The following ZNF627 variants were observed in gnomAD, a reference collection of about 807,000 sequenced individuals.
ZNF627 encodes zinc finger protein 627.
In ZNF627, 12 loss-of-function variants were observed where a neutral mutation model predicts 10.6. The observed-to-expected ratio is 1.13, with a 90% CI of 0.73 to 1.84. ZNF627 has a LOEUF of 1.84. Ranked by LOEUF, ZNF627 falls within the 40% of genes most tolerant of loss-of-function variation. ZNF627 has a pLI of 0.00. For missense variants in ZNF627, 504 were observed against 568.4 expected (o/e 0.89, Z 1.15); for synonymous variants, 176 against 187.1 (o/e 0.94, Z 0.48).
intron 1 of ZNF627, among the ~76,000 whole-genome samples, 167 bp downstream of exon 1, chr19:11,597,797 G>A (rs1440516900): frequency 1.3e-5 from 2 of 152,206 alleles, no homozygotes; most frequent in Non-Finnish European, 2.9e-5. Context: ...GACCCCGGTC[G>A]TCCTGTCCCG....
intron 1 of ZNF627, among the ~76,000 whole-genome samples, chr19:11,610,343 C>G (rs958449635): frequency 6.6e-6 from 1 of 152,106 alleles, no homozygotes; most frequent in African/African-American, 2.4e-5. Flanking sequence ...GATGGTCTAT[C>G]ATATGTCTCA....
intron 1 of ZNF627, among the ~76,000 whole-genome samples, chr19:11,612,302 C>T (rs1254547207): frequency 6.1e-5 from 9 of 147,786 alleles, no homozygotes; most frequent in East Asian, 2.0e-4. Context: ...TTGTATTTTT[C>T]GTAGAGATGG....
At chr19:11,608,795 G>C (rs780182777) in intron 1 of ZNF627, among the ~76,000 whole-genome samples, 18 of 152,114 alleles carry the variant, frequency 1.2e-4, no homozygotes, top group Non-Finnish European at 1.9e-4. Context: ...GGGATTACAG[G>C]TGTGTTCCAG....
intron 1 of ZNF627, among the ~76,000 whole-genome samples, chr19:11,603,263 G>A (rs959216526): frequency 3.3e-5 from 5 of 149,382 alleles, no homozygotes; most frequent in Admixed American, 1.3e-4. Flanking sequence ...TATTTTGTAC[G>A]ACATCTTGGC....
At chr19:11,605,089 T>C (rs958962696) in intron 1 of ZNF627, among the ~76,000 whole-genome samples, 1 of 143,080 alleles carries the variant, frequency 7.0e-6, no homozygotes, top group Non-Finnish European at 1.5e-5. Context: ...TCTTTTTTTT[T>C]TTTTTTTTTT....
chr19:11,601,839 C>G (rs1456107181), intron 1 of ZNF627, among the ~76,000 whole-genome samples: 3 of 151,574 alleles, frequency 2.0e-5, no homozygotes, highest in Non-Finnish European at 4.4e-5. Context: ...AACCCCATCT[C>G]TACTAAAAAT....
At chr19:11,608,378 C>G (rs1188173202) in intron 1 of ZNF627, among the ~76,000 whole-genome samples, 1 of 152,130 alleles carries the variant, frequency 6.6e-6, no homozygotes, top group African/African-American at 2.4e-5. Flanking sequence ...GTCAACTTCC[C>G]CTCTCCAGTT....
intron 1 of ZNF627, 41 bp from the exon 2 acceptor site, chr19:11,614,486 C>CT: frequency 6.2e-7 from 1 of 1,612,554 alleles, no homozygotes; most frequent in Non-Finnish European, 8.5e-7. Flanking sequence ...CCAGTGCTGT[C>CT]TGTCTCAACC....
chr19:11,598,962 A>T (rs1051964348), intron 1 of ZNF627, among the ~76,000 whole-genome samples: 4 of 152,138 alleles, frequency 2.6e-5, no homozygotes, highest in Non-Finnish European at 4.4e-5. Context: ...CGGGAGGATC[A>T]CCTGAGGCCA....
intron 1 of ZNF627, among the ~76,000 whole-genome samples, chr19:11,609,521 A>ATG (rs1973735484): frequency 9.7e-6 from 1 of 103,464 alleles, no homozygotes; most frequent in Non-Finnish European, 2.0e-5. Flanking sequence ...ATATATATGT[A>ATG]TTTTTTCCCC....
At chr19:11,599,670 C>A (rs1973551218) in intron 1 of ZNF627, among the ~76,000 whole-genome samples, 1 of 152,120 alleles carries the variant, frequency 6.6e-6, no homozygotes, top group African/African-American at 2.4e-5. Context: ...CTTTGGGAAG[C>A]TGAGGTGGGC....
intron 3 of ZNF627, among the ~76,000 whole-genome samples, 200 bp from the exon 4 acceptor site, chr19:11,616,495 C>T (rs1022079962): frequency 3.1e-4 from 47 of 152,096 alleles, no homozygotes; most frequent in African/African-American, 8.7e-4. Context: ...TGGTGGCTCA[C>T]GCCTGTAATC....
intron 1 of ZNF627, among the ~76,000 whole-genome samples, chr19:11,600,430 A>G (rs1973564884): frequency 6.6e-6 from 1 of 151,740 alleles, no homozygotes. Flanking sequence ...ACAGAGCAAG[A>G]CTCCATCTCA....
intron 3 of ZNF627, 27 bp downstream of exon 3, chr19:11,614,914 C>A: frequency 1.3e-6 from 2 of 1,500,618 alleles, no homozygotes; most frequent in South Asian, 1.2e-5. Context: ...AAAGAAAGTT[C>A]TGTTCCTTGA....
chr19:11,608,520 A>G (rs1392304744), intron 1 of ZNF627, among the ~76,000 whole-genome samples: 5 of 152,206 alleles, frequency 3.3e-5, no homozygotes, highest in South Asian at 4.1e-4. Context: ...TATATTTTAC[A>G]TGAGACAAAA....
intron 1 of ZNF627, among the ~76,000 whole-genome samples, chr19:11,610,168 T>G (rs1018859521): frequency 6.6e-6 from 1 of 151,710 alleles, no homozygotes; most frequent in African/African-American, 2.4e-5. Context: ...TCTTTTGAAT[T>G]CAAGTCTTTT....
At chr19:11,611,546 C>T (rs1599660730) in intron 1 of ZNF627, among the ~76,000 whole-genome samples, 2 of 152,072 alleles carry the variant, frequency 1.3e-5, no homozygotes, top group South Asian at 2.1e-4. Context: ...GAAATCAATG[C>T]CAGACCCAAT....
chr19:11,613,553 G>A (rs555283434), intron 1 of ZNF627, among the ~76,000 whole-genome samples: 3 of 151,732 alleles, frequency 2.0e-5, no homozygotes, highest in Non-Finnish European at 4.4e-5. Flanking sequence ...AAGAGGTCTC[G>A]CTATGTTTTC....
intron 3 of ZNF627, among the ~76,000 whole-genome samples, chr19:11,615,861 G>T (rs2145140343): frequency 6.7e-6 from 1 of 149,426 alleles, no homozygotes. Flanking sequence ...GGGATTACAG[G>T]CGCCTGCCAC....
Sources: allele counts gnomAD v4.1 joint callset (sites outside exome capture counted in the v4.1 genomes callset), GRCh38; gene constraint gnomAD v4.1.1; transcripts MANE v1.5; gene names NCBI Gene and HGNC (gene_info 2026-07-23, HGNC 2026-07-21).